The following IPCEF1 variants were observed in gnomAD, a reference collection of about 807,000 sequenced individuals.
IPCEF1 encodes the protein interaction protein for cytohesin exchange factors 1, also known as interactor protein for cytohesin exchange factors 1.
A neutral mutation model predicts 50.9 loss-of-function variants in IPCEF1; 31 were observed. The observed-to-expected ratio is 0.61, with a 90% CI of 0.46 to 0.82. IPCEF1 has a LOEUF of 0.82. Ranked by LOEUF, IPCEF1 falls within the 40% of genes least tolerant of loss-of-function variation. The pLI is 0.00. For synonymous variants in IPCEF1, 181 were observed against 192.0 expected, an observed-to-expected ratio of 0.94 and a Z score of 0.47; for missense variants, 458 against 514.0, an observed-to-expected ratio of 0.89 and a Z score of 1.05.
At chr6:154,235,970 T>G (rs1424509971) in intron 5 of IPCEF1, among the ~76,000 whole-genome samples, 1 of 152,152 alleles carries the variant, frequency 6.6e-6, no homozygotes, top group Non-Finnish European at 1.5e-5. Flanking sequence ...TGTAAAACAG[T>G]GTAGCTGCTA....
At chr6:154,255,817 C>G (rs566813113) in intron 3 of IPCEF1, among the ~76,000 whole-genome samples, 1 of 152,052 alleles carries the variant, frequency 6.6e-6, no homozygotes, top group African/African-American at 2.4e-5. Flanking sequence ...ATCTATTGAG[C>G]TATTGCAAGA....
intron 6 of IPCEF1, among the ~76,000 whole-genome samples, chr6:154,222,469 A>T (rs1180100940): frequency 6.6e-6 from 1 of 152,248 alleles, no homozygotes; most frequent in South Asian, 2.1e-4. Context: ...AGGTAGAAGA[A>T]ATAATAAGAA....
intron 1 of IPCEF1, among the ~76,000 whole-genome samples, chr6:154,342,108 C>G (rs1054217717): frequency 1.3e-5 from 2 of 152,182 alleles, no homozygotes; most frequent in African/African-American, 4.8e-5. Context: ...ACTGCTCCCA[C>G]AGATCATTTG....
chr6:154,181,185 G>A (rs765725914), intron 10 of IPCEF1, among the ~76,000 whole-genome samples: 42 of 152,078 alleles, frequency 2.8e-4, no homozygotes, highest in Non-Finnish European at 5.3e-4. Flanking sequence ...ATTTAATTAA[G>A]AAAAAAATCT....
At chr6:154,293,584 T>G (rs1263827892) in intron 1 of IPCEF1, among the ~76,000 whole-genome samples, 4 of 152,256 alleles carry the variant, frequency 2.6e-5, no homozygotes, top group Admixed American at 2.6e-4. Flanking sequence ...ATATTATTGT[T>G]ACTGTCCAGT....
chr6:154,313,421 TAG>T (rs1330482205), intron 1 of IPCEF1, among the ~76,000 whole-genome samples: 1 of 151,896 alleles, frequency 6.6e-6, no homozygotes, highest in African/African-American at 2.4e-5. Context: ...ACAGATTTCT[TAG>T]AGAGTTTAAA....
chr6:154,173,118 A>G (rs1800011885), intron 10 of IPCEF1, among the ~76,000 whole-genome samples: 1 of 152,222 alleles, frequency 6.6e-6, no homozygotes, highest in South Asian at 2.1e-4. Context: ...AAGAAATAGC[A>G]TCAACATCAA....
At chr6:154,182,022 T>C (rs1197028745) in intron 10 of IPCEF1, among the ~76,000 whole-genome samples, 1 of 152,174 alleles carries the variant, frequency 6.6e-6, no homozygotes, top group Non-Finnish European at 1.5e-5. Flanking sequence ...CCTGCACATC[T>C]GCGCATGTAT....
chr6:154,343,951 G>C (rs1025969235), intron 1 of IPCEF1, among the ~76,000 whole-genome samples: 1 of 152,156 alleles, frequency 6.6e-6, no homozygotes, highest in African/African-American at 2.4e-5. Context: ...CACGTGTGTA[G>C]AACATCAAGG....
intron 1 of IPCEF1, among the ~76,000 whole-genome samples, chr6:154,354,996 TCACA>T (rs56281024): frequency 0.096 from 14,080 of 147,080 alleles, 776 homozygotes; most frequent in East Asian, 0.24. Context: ...GGATTTTTCT[TCACA>T]CACACACACA....
At chr6:154,226,382 C>T (rs543050261) in intron 5 of IPCEF1, among the ~76,000 whole-genome samples, 72 of 152,306 alleles carry the variant, frequency 4.7e-4, no homozygotes, top group Middle Eastern at 3.4e-3. Context: ...TTATCTTACT[C>T]CATAAAATGC....
intron 10 of IPCEF1, among the ~76,000 whole-genome samples, chr6:154,195,555 CA>C (rs2128586800): frequency 6.6e-6 from 1 of 152,224 alleles, no homozygotes; most frequent in African/African-American, 2.4e-5. Context: ...CAACCTCAAC[CA>C]AATGTCCTTT....
chr6:154,346,658 C>T (rs969118418), intron 1 of IPCEF1, among the ~76,000 whole-genome samples: 7 of 152,158 alleles, frequency 4.6e-5, no homozygotes, highest in East Asian at 1.9e-4. Context: ...CATGGTGGAA[C>T]GGGAAGCAAA....
Position 154,354,799 on chromosome 6 carries a change from T to C in IPCEF1, c.-62+1873A>G, listed in dbSNP as rs142342236. Among the ~76,000 whole-genome samples the C allele has an allele frequency of 8.6e-3, 1,316 of 152,296 alleles. 10 individuals carry two copies. Among genetic ancestry groups the C allele is most frequent in the Non-Finnish European group, 0.013 (897 of 68,032 alleles). ...ACTCTGATCTTTTCTAACATTCACT[T>C]TTTAAAGTGCCTGAGTAACAGAGAT... On this transcript the variant is annotated intron_variant, in intron 1 of 11. Transcript: ENST00000367220.
intron 10 of IPCEF1, among the ~76,000 whole-genome samples, chr6:154,177,641 A>C (rs1188686712): frequency 6.6e-6 from 1 of 152,228 alleles, no homozygotes; most frequent in East Asian, 1.9e-4. Context: ...AGGAAATAAC[A>C]GATGCTGGAG....
At chr6:154,171,893 T>C (rs1474201134) in intron 10 of IPCEF1, among the ~76,000 whole-genome samples, 1 of 152,230 alleles carries the variant, frequency 6.6e-6, no homozygotes, top group Admixed American at 6.5e-5. Context: ...AGAATTCTAC[T>C]TAGATTAAGG....
chr6:154,166,638 T>C (rs1799457591), intron 11 of IPCEF1, among the ~76,000 whole-genome samples: 1 of 152,192 alleles, frequency 6.6e-6, no homozygotes, highest in Non-Finnish European at 1.5e-5. Flanking sequence ...ATCATGTATT[T>C]GTTTTCCTCT....
chr6:154,346,894 C>G (rs908348337), intron 1 of IPCEF1, among the ~76,000 whole-genome samples: 1 of 152,156 alleles, frequency 6.6e-6, no homozygotes, highest in Non-Finnish European at 1.5e-5. Context: ...AGACTCTATC[C>G]CTATCCAAGC....
At chr6:154,186,920 G>T (rs532642443) in intron 10 of IPCEF1, among the ~76,000 whole-genome samples, 1 of 152,202 alleles carries the variant, frequency 6.6e-6, no homozygotes, top group African/African-American at 2.4e-5. Context: ...GAACCCTGCA[G>T]CCACTTCCCC....
Sources: allele counts gnomAD v4.1 joint callset (sites outside exome capture counted in the v4.1 genomes callset), GRCh38; gene constraint gnomAD v4.1.1; transcripts MANE v1.5; gene names NCBI Gene and HGNC (gene_info 2026-07-23, HGNC 2026-07-21).